The following WDR70 variants were observed in gnomAD, a reference collection of about 807,000 sequenced individuals.
The protein encoded by WDR70 is WD repeat domain 70, also known as WD repeat-containing protein 70.
WDR70 carries 53 observed loss-of-function variants against 88.6 expected under a neutral mutation model. That is an observed-to-expected ratio of 0.60 (90% confidence interval 0.48 to 0.75). WDR70 has a LOEUF of 0.75. Ranked by LOEUF, WDR70 falls within the 30% of genes least tolerant of loss-of-function variation. The pLI, the probability that WDR70 is intolerant of heterozygous loss-of-function variation, is 0.00. For synonymous variants in WDR70, 280 were observed against 270.0 expected (o/e 1.04, Z -0.36); for missense variants, 610 against 823.2 (o/e 0.74, Z 3.17).
At chr5:37,705,487 A>G (rs1382662128) in intron 13 of WDR70, among the ~76,000 whole-genome samples, 1 of 152,130 alleles carries the variant, frequency 6.6e-6, no homozygotes, top group African/African-American at 2.4e-5. Context: ...GTCCTATTAA[A>G]TTGTTGATTT....
chr5:37,577,323 A>T (rs1448333758), intron 9 of WDR70, among the ~76,000 whole-genome samples: 1 of 152,084 alleles, frequency 6.6e-6, no homozygotes, highest in Non-Finnish European at 1.5e-5. Context: ...TACAAAAAAT[A>T]AAAAAGGAAT....
At chr5:37,739,638 A>G (rs1748412562) in intron 17 of WDR70, among the ~76,000 whole-genome samples, 1 of 152,078 alleles carries the variant, frequency 6.6e-6, no homozygotes, top group South Asian at 2.1e-4. Flanking sequence ...ACCCAACAGA[A>G]TATTTCTTTT....
intron 17 of WDR70, among the ~76,000 whole-genome samples, chr5:37,751,663 CA>C (rs372685716): frequency 2.6e-5 from 4 of 152,188 alleles, no homozygotes; most frequent in African/African-American, 7.2e-5. Context: ...ATATAACCTG[CA>C]GATGTGCTTT....
At chr5:37,384,886 C>T (rs1748556955) in intron 3 of WDR70, among the ~76,000 whole-genome samples, 2 of 152,002 alleles carry the variant, frequency 1.3e-5, no homozygotes, top group African/African-American at 2.4e-5. Context: ...CACCGTCTGC[C>T]TGGAGACTAC....
At chr5:37,664,089 C>G (rs1247435896) in intron 10 of WDR70, among the ~76,000 whole-genome samples, 3 of 152,114 alleles carry the variant, frequency 2.0e-5, no homozygotes, top group Non-Finnish European at 4.4e-5. Context: ...GCTGTCTTAC[C>G]TACTCCTCCA....
intron 7 of WDR70, among the ~76,000 whole-genome samples, chr5:37,454,707 G>T (rs1738779594): frequency 6.6e-6 from 1 of 152,160 alleles, no homozygotes; most frequent in South Asian, 2.1e-4. Context: ...GGAGATTACT[G>T]TCCTAGATTT....
intron 7 of WDR70, among the ~76,000 whole-genome samples, chr5:37,463,027 A>G (rs1397616898): frequency 6.6e-6 from 1 of 152,060 alleles, no homozygotes; most frequent in Non-Finnish European, 1.5e-5. Context: ...TAATCCCAGC[A>G]CTTTGGGAGG....
chr5:37,424,769 C>T (rs1750069604), intron 5 of WDR70, among the ~76,000 whole-genome samples: 1 of 152,120 alleles, frequency 6.6e-6, no homozygotes, highest in African/African-American at 2.4e-5. Context: ...TGTGAATTAA[C>T]ATTTTATTTG....
chr5:37,517,213 T>C (rs975013976), intron 9 of WDR70, among the ~76,000 whole-genome samples: 4 of 152,208 alleles, frequency 2.6e-5, no homozygotes, highest in Non-Finnish European at 4.4e-5. Flanking sequence ...AATAAAGGCT[T>C]ATTTCCATCT....
intron 7 of WDR70, among the ~76,000 whole-genome samples, chr5:37,447,115 A>T (rs1738509498): frequency 6.6e-6 from 1 of 152,212 alleles, no homozygotes; most frequent in South Asian, 2.1e-4. Context: ...ACCCCATCAA[A>T]AAGTGGGTGA....
intron 9 of WDR70, among the ~76,000 whole-genome samples, chr5:37,557,974 T>C (rs1248139660): frequency 6.8e-6 from 1 of 147,512 alleles, no homozygotes; most frequent in African/African-American, 2.4e-5. Flanking sequence ...ATATTTATTA[T>C]GTATGATGAA....
Position 37,736,891 on chromosome 5 carries a change from G to A in WDR70, c.1877+9846G>A, listed in dbSNP as rs892138542. Among the ~76,000 whole-genome samples the A allele has an allele frequency of 8.6e-5, 13 of 151,808 alleles. 1 individual carries two copies. Among genetic ancestry groups the A allele is most frequent in the Admixed American group, 6.6e-4 (10 of 15,248 alleles). The stretch of plus-strand genomic sequence containing the variant: ...AGTACAAAAGTAATTATGAAAACAA[G>A]CAACAAATTATTCTCCCTTAAGAAA... On this transcript the variant is annotated intron_variant, in intron 17 of 17. Coordinates refer to ENST00000265107, the MANE Select transcript of WDR70 (RefSeq NM_018034.4).
intron 10 of WDR70, among the ~76,000 whole-genome samples, chr5:37,629,839 G>A (rs980680018): frequency 2.6e-5 from 4 of 151,884 alleles, no homozygotes; most frequent in African/African-American, 4.8e-5. Flanking sequence ...ATGCTTCCTC[G>A]CTTTTTCATT....
intron 9 of WDR70, among the ~76,000 whole-genome samples, chr5:37,576,488 A>G (rs1485524735): frequency 6.6e-6 from 1 of 152,174 alleles, no homozygotes; most frequent in East Asian, 1.9e-4. Flanking sequence ...ATTTAGCAAT[A>G]CAAAAATGAA....
chr5:37,442,426 C>A (rs1581280988), intron 6 of WDR70, among the ~76,000 whole-genome samples: 1 of 151,838 alleles, frequency 6.6e-6, no homozygotes, highest in Non-Finnish European at 1.5e-5. Context: ...GCAACCTCCG[C>A]CTCCCAAGTT....
chr5:37,598,706 G>A (rs921827977), intron 9 of WDR70, among the ~76,000 whole-genome samples: 4 of 152,194 alleles, frequency 2.6e-5, no homozygotes, highest in African/African-American at 9.6e-5. Context: ...GGATGCTAAA[G>A]TGCTAGGCCA....
chr5:37,742,549 T>A (rs1748516488), intron 17 of WDR70, among the ~76,000 whole-genome samples: 1 of 152,214 alleles, frequency 6.6e-6, no homozygotes, highest in Non-Finnish European at 1.5e-5. Flanking sequence ...CTCTGTCAGT[T>A]GTGTCCTTTG....
chr5:37,583,736 A>G (rs544573230), intron 9 of WDR70, among the ~76,000 whole-genome samples: 1 of 152,242 alleles, frequency 6.6e-6, no homozygotes, highest in South Asian at 2.1e-4. Flanking sequence ...GTTAATTGGG[A>G]GAAAAGTTGA....
At chr5:37,702,056 T>G (rs1053046593) in intron 12 of WDR70, among the ~76,000 whole-genome samples, 3 of 152,100 alleles carry the variant, frequency 2.0e-5, no homozygotes, top group African/African-American at 7.2e-5. Flanking sequence ...CTTAGGCAAA[T>G]TGTTCTATTT....
Sources: gnomAD v4.1 joint callset for allele counts (sites outside exome capture counted in the v4.1 genomes callset) on GRCh38, gnomAD v4.1.1 for gene constraint, MANE v1.5 for transcripts, NCBI Gene and HGNC (gene_info 2026-07-23, HGNC 2026-07-21) for gene names.